Variants in ADAM10 observed in about 807,000 individuals in gnomAD.
ADAM10 encodes the protein ADAM metallopeptidase domain 10, also known as disintegrin and metalloproteinase domain-containing protein 10.
ADAM10 carries 17 observed loss-of-function variants against 90.1 expected under a neutral mutation model. The observed-to-expected ratio is 0.19, with a 90% confidence interval of 0.13 to 0.28. ADAM10 has a LOEUF of 0.28. Among genes scored for constraint, ADAM10 ranks in the 10% least tolerant of loss-of-function variants. ADAM10 has a pLI of 1.00. For missense variants in ADAM10, 610 were observed against 914.3 expected (o/e 0.67, Z 4.29); for synonymous variants, 310 against 298.6 (o/e 1.04, Z -0.40).
At chr15:58,651,630 T>C (rs1051059565) in intron 5 of ADAM10, among the ~76,000 whole-genome samples, 27 of 152,350 alleles carry the variant, frequency 1.8e-4, no homozygotes, top group African/African-American at 6.3e-4. Flanking sequence ...ATTGTGAATA[T>C]GTACCACATT....
chr15:58,658,078 G>A (rs1002520870), intron 5 of ADAM10, among the ~76,000 whole-genome samples: 1 of 151,930 alleles, frequency 6.6e-6, no homozygotes, highest in Non-Finnish European at 1.5e-5. Flanking sequence ...GGGAATTTTT[G>A]TGCCTTGAGA....
intron 1 of ADAM10, among the ~76,000 whole-genome samples, chr15:58,724,268 AT>A (rs1898958228): frequency 6.6e-6 from 1 of 152,188 alleles, no homozygotes; most frequent in African/African-American, 2.4e-5. Context: ...TGGGAGGTTC[AT>A]TTTAAATATT....
In ADAM10 at chr15:58,596,137, T is replaced by G. The variant is rs953880837; in HGVS notation, c.*1410A>C. The G allele has an allele frequency of 6.6e-6, 1 of 152,062 alleles. No individual in the cohort carries two copies. Among genetic ancestry groups the G allele is most frequent in the Non-Finnish European group, 1.5e-5 (1 of 67,976 alleles). 9.4% of individuals were successfully genotyped at this position (152,062 alleles called of 1,614,324 possible). ...CCAAAACATAGAAATCTTTACAACT[T>G]TCTCTAAATTTGCCTCCTATGTGAA... On this transcript the variant is annotated 3_prime_UTR_variant, in exon 16 of 16. Coordinates refer to ENST00000260408, the MANE Select transcript of ADAM10 (RefSeq NM_001110.4).
At chr15:58,677,761 GATAA>G (rs1897329634) in intron 4 of ADAM10, among the ~76,000 whole-genome samples, 1 of 152,054 alleles carries the variant, frequency 6.6e-6, no homozygotes, top group Non-Finnish European at 1.5e-5. Context: ...CTTTGATTTT[GATAA>G]AACATTCTAG....
At chr15:58,741,509 G>A (rs766054152) in intron 1 of ADAM10, among the ~76,000 whole-genome samples, 1 of 152,054 alleles carries the variant, frequency 6.6e-6, no homozygotes, top group African/African-American at 2.4e-5. Context: ...AATCCCAGAC[G>A]CTGACACCCA....
intron 1 of ADAM10, among the ~76,000 whole-genome samples, chr15:58,728,942 T>C (rs538435489): frequency 6.6e-6 from 1 of 152,318 alleles, no homozygotes; most frequent in East Asian, 1.9e-4. Context: ...CCACAGGTCT[T>C]AAAAGAACAT....
Position 58,610,360 on chromosome 15 carries a change from T to C in ADAM10, c.1962A>G (p.Leu654=), listed in dbSNP as rs1161778724. The change falls in exon 14 of 16, where the codon CTA becomes CTG. Residue 654 remains leucine, a synonymous_variant. Coordinates refer to ENST00000260408, the MANE Select transcript of ADAM10 (RefSeq NM_001110.4). ...TAAAAATTGCTTTTTTAAGCCTAGC[T>C]AGAGGACCATCAGCATCTACTAATC... ...RCRLVDADGP[L]ARLKKAIFSP... 1 of 1,614,184 alleles carries C rather than the reference T, an allele frequency of 6.2e-7. No individual in the cohort carries two copies. Among genetic ancestry groups the C allele is most frequent in the South Asian group, 1.1e-5 (1 of 91,082 alleles).
At position 58,627,572 on chromosome 15, in the gene ADAM10, G is replaced by A. The variant is rs191865095; in HGVS notation, c.1360+128C>T. The A allele has an allele frequency of 2.7e-4, 211 of 767,352 alleles. No individual in the cohort carries two copies. The African/African-American group carries it at 3.0e-3, about 11-fold the overall frequency. The allele number at this position is 767,352 out of a possible 1,614,324, so 47.5% of individuals were successfully genotyped here. A position where few individuals can be genotyped will look rare whatever the true frequency, so the allele number is the denominator to read the frequency against. ...AGATTAAGAAATAACGAGATAAAGG[G>A]AATACAGCAAAGTGTTAGCAATAGT... On this transcript the variant is annotated intron_variant, in intron 10 of 15. Transcript: ENST00000260408.
At chr15:58,748,980 T>G (rs190903870) in intron 1 of ADAM10, 47 of 397,938 alleles carry the variant, frequency 1.2e-4, no homozygotes, top group African/African-American at 8.7e-4. Flanking sequence ...TTCCCACGAG[T>G]CTGCGCGGCG....
intron 14 of ADAM10, among the ~76,000 whole-genome samples, chr15:58,600,162 C>T (rs1039536362): frequency 1.3e-5 from 2 of 152,118 alleles, no homozygotes; most frequent in Non-Finnish European, 2.9e-5. Context: ...AATGCCCTAA[C>T]AAGGTTTGAG....
chr15:58,718,146 AT>A (rs1898726666), intron 1 of ADAM10, among the ~76,000 whole-genome samples: 1 of 152,046 alleles, frequency 6.6e-6, no homozygotes. Flanking sequence ...AAAATAAAAA[AT>A]AAAATAAAAA....
Position 58,599,662 on chromosome 15 carries a change from A to G in ADAM10, c.2088T>C (p.Ile696=), listed in dbSNP as rs35009923. The G allele has an allele frequency of 4.2e-5, 67 of 1,613,582 alleles. No homozygotes were observed. Among genetic ancestry groups the G allele is most frequent in the Non-Finnish European group, 5.3e-5 (62 of 1,179,702 alleles). ...TTGGAGTATGAACACTGCATATCTT[A>G]ATAAATCCAGCCATTAGCATGATCA... The part of the protein sequence containing the change: ...IALIMLMAGF[I]KICSVHTPSS... Residue 696 remains isoleucine, a synonymous_variant, in exon 15 of 16, where the codon ATT becomes ATC. Transcript: ENST00000260408.
chr15:58,649,791 TAATTACAGGGCTTA>T (rs1596028060), intron 5 of ADAM10, among the ~76,000 whole-genome samples: 1 of 152,228 alleles, frequency 6.6e-6, no homozygotes, highest in East Asian at 1.9e-4. Context: ...TATCCTGCCC[TAATTACAGGGCTTA>T]ATGAATGTGT....
At position 58,692,459 on chromosome 15, in the gene ADAM10, T is replaced by C. The variant is rs768443956; in HGVS notation, c.207-10145A>G. 4.7e-5 allele frequency: 25 copies of C among 529,998 alleles called. 1 individual carries two copies. The highest frequency in any genetic ancestry group is 3.5e-4 in the South Asian group (24 of 68,462). The allele number at this position is 529,998 out of a possible 1,614,324, so 32.8% of individuals were successfully genotyped here. On this transcript the variant is annotated intron_variant, in intron 2 of 15. Coordinates refer to ENST00000260408, the MANE Select transcript of ADAM10 (RefSeq NM_001110.4). ...TCCTCATCGGAACCCACATCTTCAG[T>C]CTTGGGCTTTTCTTTATCATCTTTA...
At chr15:58,748,966 C>A in intron 1 of ADAM10, 1 of 398,948 alleles carries the variant, frequency 2.5e-6, no homozygotes, top group East Asian at 3.6e-5. Context: ...GCAAACAACA[C>A]AACTTCCCAC....
chr15:58,711,378 T>TA (rs1898468378), intron 2 of ADAM10, among the ~76,000 whole-genome samples: 1 of 152,194 alleles, frequency 6.6e-6, no homozygotes, highest in South Asian at 2.1e-4. Context: ...TTTTAAAGCA[T>TA]AAAGGAGCTT....
Position 58,611,052 on chromosome 15 carries a change from C to T in ADAM10, c.1751G>A (p.Ser584Asn). The change falls in exon 13 of 16, where the codon AGT becomes AAT. Residue 584 changes from serine to asparagine, a missense_variant. Coordinates refer to ENST00000260408, the MANE Select transcript of ADAM10 (RefSeq NM_001110.4). ...TTCTTTATCATCTTTGCCATCAGAA[C>T]TGGCACACGTACACTCCTCTAAGCC... Reference protein sequence around the residue: ...KYGLEECTCASSDGKDDKELC... With the variant: ...KYGLEECTCANSDGKDDKELC... 1.9e-6 allele frequency: 3 copies of T among 1,613,962 alleles called. No homozygotes were observed. Among genetic ancestry groups the T allele is most frequent in the South Asian group, 2.2e-5 (2 of 91,086 alleles).
intron 2 of ADAM10, among the ~76,000 whole-genome samples, chr15:58,701,438 T>C (rs1190438029): frequency 1.3e-5 from 2 of 152,074 alleles, no homozygotes; most frequent in African/African-American, 4.8e-5. Flanking sequence ...CCACAATATA[T>C]CATCTTACCG....
chr15:58,633,522 G>C (rs1896159260), intron 8 of ADAM10, among the ~76,000 whole-genome samples, 163 bp from the exon 9 acceptor site: 2 of 152,130 alleles, frequency 1.3e-5, no homozygotes, highest in Admixed American at 6.5e-5. Flanking sequence ...CCAAGACTAA[G>C]AAGTCACTTC....
Sources: allele counts gnomAD v4.1 joint callset (sites outside exome capture counted in the v4.1 genomes callset), GRCh38; gene constraint gnomAD v4.1.1; transcripts MANE v1.5; gene names NCBI Gene and HGNC (gene_info 2026-07-23, HGNC 2026-07-21).